ERBB4: variants seen among roughly 807,000 people sequenced by gnomAD.
The protein encoded by ERBB4 is erb-b2 receptor tyrosine kinase 4, also known as receptor tyrosine-protein kinase erbB-4.
In ERBB4, 42 loss-of-function variants were observed where a neutral mutation model predicts 158.0. The ratio of observed to expected loss-of-function variants is 0.27; its 90% confidence interval spans 0.21 to 0.34. The LOEUF is 0.34. ERBB4 is among the 10% of genes least tolerant of loss of function. ERBB4 has a pLI of 1.00. For missense variants in ERBB4, 1,333 were observed against 1,624.1 expected (o/e 0.82, Z 3.08); for synonymous variants, 583 against 558.7 (o/e 1.04, Z -0.61).
intron 16 of ERBB4, among the ~76,000 whole-genome samples, chr2:211,638,027 T>C (rs971123726): frequency 6.6e-6 from 1 of 152,130 alleles, no homozygotes; most frequent in Non-Finnish European, 1.5e-5. Flanking sequence ...ACTATCATTT[T>C]ATCTGTATTG....
intron 1 of ERBB4, among the ~76,000 whole-genome samples, chr2:212,249,366 G>A (rs78584857): frequency 0.21 from 30,998 of 149,796 alleles, 3,497 homozygotes; most frequent in Non-Finnish European, 0.24. Context: ...AATGTAGGAA[G>A]ACTCTAGATA....
chr2:212,220,073 A>T (rs973241910), intron 1 of ERBB4, among the ~76,000 whole-genome samples: 25 of 151,346 alleles, frequency 1.7e-4, no homozygotes, highest in African/African-American at 5.6e-4. Context: ...TGAAGAAAAT[A>T]GTTTTAATTT....
rs540439904 is a variant in ERBB4, at chr2:212,197,270, G to A, written c.83-72367C>T. Among the ~76,000 whole-genome samples the A allele has an allele frequency of 2.0e-4, 31 of 152,168 alleles. No individual in the cohort carries two copies. The South Asian group carries it at 6.0e-3, about 30-fold the overall frequency. On this transcript the variant is annotated intron_variant, in intron 1 of 27. Coordinates refer to ENST00000342788, the MANE Select transcript of ERBB4 (RefSeq NM_005235.3). ...TATACAATAAAACTTATGAAGATTC[G>A]CAATAAGTGGGAACAATAAAGACAC...
intron 20 of ERBB4, among the ~76,000 whole-genome samples, chr2:211,486,699 C>T (rs2065212142): frequency 6.6e-6 from 1 of 152,072 alleles, no homozygotes; most frequent in Admixed American, 6.6e-5. Flanking sequence ...CACTCTCTCT[C>T]CAAGCCTCAA....
chr2:211,430,918 C>T lies in ERBB4; in HGVS notation c.2643+27G>A, dbSNP rs147466636. The T allele has an allele frequency of 2.3e-3, 3,687 of 1,581,596 alleles. 73 individuals carry two copies. The African/African-American group carries it at 0.039, about 17-fold the overall frequency. On this transcript the variant is annotated intron_variant, in intron 21 of 27. Coordinates refer to ENST00000342788, the MANE Select transcript of ERBB4 (RefSeq NM_005235.3). ...AAGGATATTATACTATATTTTCAAG[C>T]AAGATTGCTCTCAAAAAGATACCCA...
chr2:211,919,664 C>T (rs1243464142), intron 3 of ERBB4, among the ~76,000 whole-genome samples: 1 of 151,866 alleles, frequency 6.6e-6, no homozygotes, highest in African/African-American at 2.4e-5. Flanking sequence ...TATTTGTAAC[C>T]CAAAACATTT....
At chr2:212,414,979 CCTGATG>C (rs2091611091) in intron 1 of ERBB4, among the ~76,000 whole-genome samples, 1 of 152,196 alleles carries the variant, frequency 6.6e-6, no homozygotes, top group South Asian at 2.1e-4. Flanking sequence ...ACTCTGCCAA[CCTGATG>C]CTAATTCAAC....
chr2:212,240,201 C>T (rs1181849382), intron 1 of ERBB4, among the ~76,000 whole-genome samples: 1 of 152,116 alleles, frequency 6.6e-6, no homozygotes, highest in South Asian at 2.1e-4. Flanking sequence ...GCAACACTAT[C>T]CCAAAATATG....
At chr2:211,867,658 T>C (rs1362666220) in intron 3 of ERBB4, among the ~76,000 whole-genome samples, 1 of 152,136 alleles carries the variant, frequency 6.6e-6, no homozygotes, top group Admixed American at 6.5e-5. Context: ...GGCCTTGAAC[T>C]CCTGGGTGAT....
At chr2:212,446,635 A>ATATT (rs1574935595) in intron 1 of ERBB4, among the ~76,000 whole-genome samples, 1 of 101,484 alleles carries the variant, frequency 9.9e-6, no homozygotes, top group East Asian at 3.1e-4. Context: ...ATATATATAT[A>ATATT]TATCCTATTA....
At chr2:212,528,690 A>G (rs545582849) in intron 1 of ERBB4, among the ~76,000 whole-genome samples, 1 of 152,184 alleles carries the variant, frequency 6.6e-6, no homozygotes, top group South Asian at 2.1e-4. Flanking sequence ...GTTCTTTAGA[A>G]TCTGGTAACC....
chr2:212,519,478 A>T (rs999806156), intron 1 of ERBB4, among the ~76,000 whole-genome samples: 1 of 151,908 alleles, frequency 6.6e-6, no homozygotes, highest in Non-Finnish European at 1.5e-5. Flanking sequence ...GATAAAGGAT[A>T]AATAAAATGG....
In ERBB4 at chr2:212,450,818, C is replaced by T. The variant is rs185638904; in HGVS notation, c.82+87631G>A. On this transcript the variant is annotated intron_variant, in intron 1 of 27. Transcript: ENST00000342788. ...AGATTTAATGCAGGAAGATTTCAGC[C>T]GAGAAAAAAAAAAAAAAAAAAACAA... Among the ~76,000 whole-genome samples, 304 of 129,630 alleles carry T rather than the reference C, an allele frequency of 2.3e-3. 5 individuals are homozygous for T. In the Admixed American group the frequency reaches 0.024, roughly 10 times the overall value. 85.0% of individuals were successfully genotyped at this position (129,630 alleles called of 152,430 possible).
At chr2:211,918,931 C>T (rs1367069911) in intron 3 of ERBB4, among the ~76,000 whole-genome samples, 1 of 152,084 alleles carries the variant, frequency 6.6e-6, no homozygotes, top group Non-Finnish European at 1.5e-5. Flanking sequence ...ATTTTTGTCA[C>T]CACCACATAA....
intron 20 of ERBB4, among the ~76,000 whole-genome samples, chr2:211,493,143 T>C (rs777752391): frequency 3.9e-5 from 6 of 152,100 alleles, no homozygotes; most frequent in Non-Finnish European, 8.8e-5. Flanking sequence ...CAGCTTTCCA[T>C]TGTAGTTGCT....
intron 1 of ERBB4, among the ~76,000 whole-genome samples, chr2:212,240,507 C>G (rs568136315): frequency 3.3e-5 from 5 of 151,520 alleles, no homozygotes; most frequent in African/African-American, 7.3e-5. Context: ...GTGGTGCACA[C>G]CTGTATTCCC....
At chr2:211,589,319 T>C (rs1440271385) in intron 19 of ERBB4, among the ~76,000 whole-genome samples, 2 of 152,208 alleles carry the variant, frequency 1.3e-5, no homozygotes, top group Non-Finnish European at 2.9e-5. Flanking sequence ...GCAGTATCTA[T>C]ATCTAGAAAA....
At chr2:212,490,724 A>C (rs918968049) in intron 1 of ERBB4, among the ~76,000 whole-genome samples, 9 of 151,808 alleles carry the variant, frequency 5.9e-5, no homozygotes, top group Admixed American at 5.9e-4. Flanking sequence ...GTGAAGTTCA[A>C]TAATATTCAA....
chr2:212,034,189 T>C (rs1247491682), intron 2 of ERBB4, among the ~76,000 whole-genome samples: 3 of 151,954 alleles, frequency 2.0e-5, no homozygotes, highest in Non-Finnish European at 4.4e-5. Context: ...TGTTTCTTCT[T>C]ATTTTTATAT....
Sources: gnomAD v4.1 joint callset for allele counts (sites outside exome capture counted in the v4.1 genomes callset) on GRCh38, gnomAD v4.1.1 for gene constraint, MANE v1.5 for transcripts, NCBI Gene and HGNC (gene_info 2026-07-23, HGNC 2026-07-21) for gene names.